The following BAIAP2 variants were observed in gnomAD, a reference collection of about 807,000 sequenced individuals.
BAIAP2 encodes the protein BAR/IMD domain-containing adapter protein 2.
A neutral mutation model predicts 63.0 loss-of-function variants in BAIAP2; 18 were observed. That is an observed-to-expected ratio of 0.29 (90% CI 0.20 to 0.42). BAIAP2 has a LOEUF of 0.42. Ranked by LOEUF, BAIAP2 falls within the 10% of genes least tolerant of loss-of-function variation. The pLI is 1.00. For missense variants in BAIAP2, 610 were observed against 734.3 expected (o/e 0.83, Z 1.96); for synonymous variants, 386 against 307.6 (o/e 1.25, Z -2.67).
chr17:81,058,845 C>T (rs372657911), intron 3 of BAIAP2, among the ~76,000 whole-genome samples: 4 of 150,372 alleles, frequency 2.7e-5, no homozygotes, highest in African/African-American at 7.3e-5. Flanking sequence ...CTGTTCCCTT[C>T]TTTCTACTTT....
At position 81,115,768 on chromosome 17, in the gene BAIAP2, A is replaced by G. The variant is rs908174994; in HGVS notation, c.1536-2A>G. ...AATTAAAACCACGTTTTTCTCTTTC[A>G]GGAATCCCTTTGCCCACGTCCAGCT... On this transcript the variant is annotated splice_acceptor_variant, in intron 13 of 13. Transcript: ENST00000428708. LOFTEE classifies it high-confidence loss of function. The G allele has an allele frequency of 6.2e-7, 1 of 1,613,536 alleles. No homozygotes were observed. The highest frequency in any genetic ancestry group is 1.7e-5 in the Admixed American group (1 of 60,026).
intron 3 of BAIAP2, among the ~76,000 whole-genome samples, chr17:81,078,981 C>G (rs1358722033): frequency 6.6e-6 from 1 of 152,114 alleles, no homozygotes; most frequent in Non-Finnish European, 1.5e-5. Context: ...TGAGACCAGG[C>G]TCAGCCTGCA....
At chr17:81,055,484 C>G (rs2049325003) in intron 2 of BAIAP2, among the ~76,000 whole-genome samples, 1 of 152,114 alleles carries the variant, frequency 6.6e-6, no homozygotes, top group Non-Finnish European at 1.5e-5. Context: ...CCTCTACATC[C>G]CTGGGCCCGG....
At chr17:81,109,862 G>C (rs1371664869) in intron 13 of BAIAP2, 1 of 985,212 alleles carries the variant, frequency 1.0e-6, no homozygotes, top group Non-Finnish European at 1.2e-6. Context: ...TGCTGCCCCG[G>C]GCTACCTGGC....
chr17:81,040,121 G>A lies in BAIAP2; in HGVS notation c.54+4813G>A, dbSNP rs148380926. ...GACACTCGCCACCGTCTGTGGAGGC[G>A]GGGTGCCACTGACTGCTGGTTGAGG... On this transcript the variant is annotated intron_variant, in intron 1 of 13. Transcript: ENST00000428708. Among the ~76,000 whole-genome samples, 141 of 152,332 alleles carry A rather than the reference G, an allele frequency of 9.3e-4. No individual in the cohort carries two copies. The East Asian group carries it at 0.017, about 18-fold the overall frequency.
intron 6 of BAIAP2, among the ~76,000 whole-genome samples, chr17:81,092,689 AG>A (rs1015970796): frequency 6.6e-6 from 1 of 151,740 alleles, no homozygotes; most frequent in African/African-American, 2.4e-5. Flanking sequence ...CCCGGCCCGG[AG>A]CACCGCCCTG....
chr17:81,114,244 G>T (rs1385278451), intron 13 of BAIAP2, among the ~76,000 whole-genome samples: 1 of 151,620 alleles, frequency 6.6e-6, no homozygotes, highest in Non-Finnish European at 1.5e-5. Flanking sequence ...AGAGTGCTGG[G>T]ATTCTAGGCA....
rs113731432 is a variant in BAIAP2, at chr17:81,072,235, G to A, written c.218-12597G>A. Among the ~76,000 whole-genome samples, 483 of 152,352 alleles carry A rather than the reference G, an allele frequency of 3.2e-3. 5 individuals carry two copies. Among genetic ancestry groups the A allele is most frequent in the African/African-American group, 0.011 (458 of 41,580 alleles). On this transcript the variant is annotated intron_variant, in intron 3 of 13. Transcript: ENST00000428708. ...GATGGCTGGAGTGCCCCAGGGCAGC[G>A]TTGGGAGACCTGCGCAGGCCCCACC...
chr17:81,061,944 T>C (rs1029395686), intron 3 of BAIAP2, among the ~76,000 whole-genome samples: 7 of 152,178 alleles, frequency 4.6e-5, no homozygotes, highest in Non-Finnish European at 8.8e-5. Context: ...TTTGTAATAG[T>C]GGTTTTAGTT....
At chr17:81,042,646 G>A (rs1348957510) in intron 1 of BAIAP2, among the ~76,000 whole-genome samples, 1 of 152,144 alleles carries the variant, frequency 6.6e-6, no homozygotes, top group Non-Finnish European at 1.5e-5. Context: ...GTCGCAGGAC[G>A]TGAATGGTGG....
intron 1 of BAIAP2, among the ~76,000 whole-genome samples, chr17:81,037,991 G>A (rs2046521119): frequency 6.6e-6 from 1 of 152,266 alleles, no homozygotes; most frequent in Non-Finnish European, 1.5e-5. Context: ...ATGAAGGGGA[G>A]GGGAGTGGAA....
chr17:81,084,685 G>T (rs1463394234), intron 3 of BAIAP2, 147 bp from the exon 4 acceptor site: 6 of 724,538 alleles, frequency 8.3e-6, no homozygotes, highest in Non-Finnish European at 1.2e-5. Context: ...TCCCCTCTCC[G>T]CCCTCCCTTC....
intron 1 of BAIAP2, among the ~76,000 whole-genome samples, chr17:81,036,364 G>C (rs769037172): frequency 1.3e-5 from 2 of 152,154 alleles, no homozygotes; most frequent in Admixed American, 1.3e-4. Flanking sequence ...CCCGGCAGTC[G>C]CTGGTTCATG....
chr17:81,106,239 G>C, intron 11 of BAIAP2, 93 bp downstream of exon 11: 1 of 1,330,436 alleles, frequency 7.5e-7, no homozygotes, highest in Non-Finnish European at 1.0e-6. Flanking sequence ...GCTCGGCTGG[G>C]CTTCCGGCTC....
At chr17:81,114,994 C>T (rs2060354727) in intron 13 of BAIAP2, among the ~76,000 whole-genome samples, 1 of 152,258 alleles carries the variant, frequency 6.6e-6, no homozygotes, top group Non-Finnish European at 1.5e-5. Context: ...TTGGAGCTGC[C>T]TGACATCCCC....
intron 3 of BAIAP2, 40 bp downstream of exon 3, chr17:81,058,007 T>G: frequency 3.9e-6 from 5 of 1,281,026 alleles, no homozygotes; most frequent in Non-Finnish European, 5.2e-6. Flanking sequence ...AGTCGCCTGA[T>G]GCCCTCAGGC....
intron 5 of BAIAP2, 74 bp downstream of exon 5, chr17:81,085,799 C>A: frequency 8.2e-7 from 1 of 1,214,004 alleles, no homozygotes; most frequent in African/African-American, 1.5e-5. Context: ...GCCACTCCTT[C>A]CTCGGCCTGA....
chr17:81,105,126 C>T (rs1053327218), intron 10 of BAIAP2: 3 of 178,094 alleles, frequency 1.7e-5, no homozygotes, highest in Non-Finnish European at 2.4e-5. Context: ...AGGGGTCTGC[C>T]CCATGGCAGG....
intron 13 of BAIAP2, among the ~76,000 whole-genome samples, chr17:81,112,529 C>T (rs1438460334): frequency 6.6e-6 from 1 of 152,242 alleles, no homozygotes; most frequent in Non-Finnish European, 1.5e-5. Context: ...GGGCGAGCGT[C>T]CCTGGCCGCT....
Sources: allele counts gnomAD v4.1 joint callset (sites outside exome capture counted in the v4.1 genomes callset), GRCh38; gene constraint gnomAD v4.1.1; transcripts MANE v1.5; gene names NCBI Gene and HGNC (gene_info 2026-07-23, HGNC 2026-07-21).